The following SKAP2 variants were observed in gnomAD, a reference collection of about 807,000 sequenced individuals.
SKAP2 encodes src kinase associated phosphoprotein 2.
A neutral mutation model predicts 54.9 loss-of-function variants in SKAP2; 28 were observed. The ratio of observed to expected loss-of-function variants is 0.51; its 90% confidence interval spans 0.38 to 0.70. The LOEUF (loss-of-function observed/expected upper bound fraction) is 0.70, where lower values mean the gene tolerates loss of function less well. Ranked by LOEUF, SKAP2 falls within the 30% of genes least tolerant of loss-of-function variation. The pLI is 0.00. For missense variants in SKAP2, 356 were observed against 424.1 expected (o/e 0.84, Z 1.41); for synonymous variants, 137 against 134.3 (o/e 1.02, Z -0.14).
At position 26,721,649 on chromosome 7, in the gene SKAP2, A is replaced by G. The variant is rs968732522; in HGVS notation, c.796+3779T>C. ...AGTCCACTTGCCAGAAGACATTTCAAGTGCAATCCCTCTGAAAGCTACAGA... is the reference window on the plus strand; with the variant it reads ...AGTCCACTTGCCAGAAGACATTTCAGGTGCAATCCCTCTGAAAGCTACAGA... On this transcript the variant is annotated intron_variant, in intron 9 of 12. Coordinates refer to ENST00000345317, the MANE Select transcript of SKAP2 (RefSeq NM_003930.5). Among the ~76,000 whole-genome samples, 17 of 152,330 alleles carry G rather than the reference A, an allele frequency of 1.1e-4. 1 individual carries two copies. In the Middle Eastern group the frequency reaches 0.01, roughly 91 times the overall value.
At chr7:26,718,579 C>T (rs942947506) in intron 9 of SKAP2, among the ~76,000 whole-genome samples, 4 of 151,788 alleles carry the variant, frequency 2.6e-5, no homozygotes, top group Non-Finnish European at 5.9e-5. Context: ...GGTGAGATCT[C>T]GATCTCACCT....
intron 4 of SKAP2, among the ~76,000 whole-genome samples, chr7:26,796,429 A>AT (rs1278096414): frequency 6.6e-6 from 1 of 152,162 alleles, no homozygotes; most frequent in African/African-American, 2.4e-5. Flanking sequence ...GGTCTCACAT[A>AT]TTTTTTACCA....
At chr7:26,660,446 AAT>A in the SKAP2 span, among the ~76,000 whole-genome samples, 1 of 152,092 alleles carries the variant, frequency 6.6e-6, no homozygotes, top group Non-Finnish European at 1.5e-5. Flanking sequence ...GCTAAGCTAC[AAT>A]ATGTTTCCAG....
Position 26,744,346 on chromosome 7 carries a change from G to T in SKAP2, c.308-4382C>A, listed in dbSNP as rs73683506. ...AGTATCACTTAGTGACATTTCAGGT[G>T]TTAGGTTGGTCAGGTCTAAACCCAG... On this transcript the variant is annotated intron_variant, in intron 4 of 12. Transcript: ENST00000345317. Among the ~76,000 whole-genome samples, 925 of 152,250 alleles carry T rather than the reference G, an allele frequency of 6.1e-3. 12 individuals are homozygous for T. Among genetic ancestry groups the T allele is most frequent in the African/African-American group, 0.021 (852 of 41,558 alleles).
At chr7:26,799,503 A>G (rs1012163429) in intron 4 of SKAP2, among the ~76,000 whole-genome samples, 5 of 152,196 alleles carry the variant, frequency 3.3e-5, no homozygotes, top group Non-Finnish European at 5.9e-5. Flanking sequence ...ATTCAGCAAG[A>G]GGATTTAGCA....
intron 6 of SKAP2, among the ~76,000 whole-genome samples, chr7:26,735,736 A>G (rs1787916708): frequency 6.6e-6 from 1 of 152,230 alleles, no homozygotes; most frequent in Non-Finnish European, 1.5e-5. Context: ...TACAGTAAAC[A>G]AGGCTATAAA....
chr7:26,807,712 A>T (rs504955), intron 4 of SKAP2, among the ~76,000 whole-genome samples: 79,263 of 151,876 alleles, frequency 0.52, 21,323 homozygotes, highest in East Asian at 0.86. Flanking sequence ...AGAGTCAATC[A>T]ATGTGGCAAA....
chr7:26,677,903 T>C (rs1328238177), intron 11 of SKAP2, among the ~76,000 whole-genome samples: 2 of 152,220 alleles, frequency 1.3e-5, no homozygotes, highest in African/African-American at 4.8e-5. Flanking sequence ...GTCAATAACA[T>C]GGTTCGCTGT....
chr7:26,675,671 C>T (rs1786334987), intron 11 of SKAP2, among the ~76,000 whole-genome samples: 2 of 152,002 alleles, frequency 1.3e-5, no homozygotes, highest in African/African-American at 4.8e-5. Flanking sequence ...ATGTAATTTC[C>T]AATAGTAATG....
chr7:26,712,549 A>T (rs898153280), intron 9 of SKAP2, among the ~76,000 whole-genome samples: 2 of 152,220 alleles, frequency 1.3e-5, no homozygotes, highest in African/African-American at 4.8e-5. Flanking sequence ...CCAGAGTCAG[A>T]ATGCCTAGGT....
At chr7:26,742,386 A>T (rs2127962753) in intron 4 of SKAP2, 1 of 152,292 alleles carries the variant, frequency 6.6e-6, no homozygotes, top group East Asian at 1.9e-4. Flanking sequence ...GTCAAAAAGG[A>T]GACAGAGAGA....
intron 9 of SKAP2, among the ~76,000 whole-genome samples, chr7:26,695,925 T>C (rs1244676624): frequency 1.3e-5 from 2 of 152,080 alleles, no homozygotes; most frequent in South Asian, 2.1e-4. Context: ...CTAGTCCTAG[T>C]GGTAAAATGT....
At chr7:26,831,587 T>TG (rs938536652) in intron 4 of SKAP2, among the ~76,000 whole-genome samples, 4 of 152,310 alleles carry the variant, frequency 2.6e-5, no homozygotes, top group African/African-American at 7.2e-5. Context: ...GTCTTTACTA[T>TG]GGGTCAGGAA....
At chr7:26,690,830 C>G (rs1273352129) in intron 9 of SKAP2, among the ~76,000 whole-genome samples, 8 of 152,094 alleles carry the variant, frequency 5.3e-5, no homozygotes, top group African/African-American at 1.7e-4. Flanking sequence ...ATCATGGTCC[C>G]TAAAACATCA....
chr7:26,742,626 A>G (rs1335421226), intron 4 of SKAP2, among the ~76,000 whole-genome samples: 1 of 151,944 alleles, frequency 6.6e-6, no homozygotes, highest in East Asian at 1.9e-4. Context: ...TTCCCTGGGG[A>G]GTGGGGGAGT....
At chr7:26,823,374 C>G (rs966528902) in intron 4 of SKAP2, among the ~76,000 whole-genome samples, 2 of 137,474 alleles carry the variant, frequency 1.5e-5, no homozygotes, top group Admixed American at 8.5e-5. Flanking sequence ...CGCAGTGAGC[C>G]GAGATCATGC....
chr7:26,803,357 T>C (rs1783954891), intron 4 of SKAP2, among the ~76,000 whole-genome samples: 1 of 152,084 alleles, frequency 6.6e-6, no homozygotes. Flanking sequence ...ATGGCAGACA[T>C]ATGACAAGGT....
intron 4 of SKAP2, among the ~76,000 whole-genome samples, chr7:26,750,242 CATGAT>C (rs772620322): frequency 1.3e-5 from 2 of 151,328 alleles, no homozygotes; most frequent in Non-Finnish European, 2.9e-5. Flanking sequence ...CTAAGTGTAA[CATGAT>C]ATATTTTAAT....
chr7:26,711,130 A>G (rs150346830), intron 9 of SKAP2, among the ~76,000 whole-genome samples: 2,208 of 152,304 alleles, frequency 0.014, 53 homozygotes, highest in African/African-American at 0.05. Flanking sequence ...TAATGGTGTA[A>G]TAAATATATA....
Sources: allele counts gnomAD v4.1 joint callset (sites outside exome capture counted in the v4.1 genomes callset), GRCh38; gene constraint gnomAD v4.1.1; transcripts MANE v1.5; gene names NCBI Gene and HGNC (gene_info 2026-07-23, HGNC 2026-07-21).